The following SPON1 variants were observed in gnomAD, a reference collection of about 807,000 sequenced individuals.
The protein encoded by SPON1 is spondin 1.
A neutral mutation model predicts 111.7 loss-of-function variants in SPON1; 52 were observed. That is an observed-to-expected ratio of 0.47 (90% confidence interval 0.37 to 0.59). The LOEUF is 0.59. SPON1 is among the 20% of genes least tolerant of loss of function. The pLI, the probability that SPON1 is intolerant of heterozygous loss-of-function variation, is 0.00. For missense variants in SPON1, 957 were observed against 1,068.5 expected, an observed-to-expected ratio of 0.90 and a Z score of 1.46; for synonymous variants, 410 against 395.8, an observed-to-expected ratio of 1.04 and a Z score of -0.43.
chr11:14,250,773 A>G (rs1348986219), intron 7 of SPON1, among the ~76,000 whole-genome samples: 2 of 152,218 alleles, frequency 1.3e-5, no homozygotes, highest in Non-Finnish European at 2.9e-5. Flanking sequence ...AGTCCTATCT[A>G]GCATTTTCTA....
chr11:13,993,335 A>G (rs1476482691), intron 2 of SPON1, among the ~76,000 whole-genome samples: 1 of 151,906 alleles, frequency 6.6e-6, no homozygotes, highest in Non-Finnish European at 1.5e-5. Flanking sequence ...GGCACACACT[A>G]GATGTCAGAA....
intron 6 of SPON1, among the ~76,000 whole-genome samples, chr11:14,235,097 C>T (rs2133914278): frequency 6.6e-6 from 1 of 152,314 alleles, no homozygotes; most frequent in Admixed American, 6.5e-5. Context: ...GCTGGCACGG[C>T]TCTATGCTGG....
At chr11:14,038,471 A>AAAAAC (rs1262295498) in intron 2 of SPON1, among the ~76,000 whole-genome samples, 22 of 152,314 alleles carry the variant, frequency 1.4e-4, no homozygotes, top group African/African-American at 3.8e-4. Context: ...TCCATCTCAA[A>AAAAAC]AAAACAAAAC....
At chr11:13,977,930 C>G (rs1848114930) in intron 1 of SPON1, among the ~76,000 whole-genome samples, 1 of 152,192 alleles carries the variant, frequency 6.6e-6, no homozygotes, top group African/African-American at 2.4e-5. Flanking sequence ...AAAAGATTAT[C>G]TTTTCTCCAT....
At chr11:14,224,749 T>G in intron 6 of SPON1, 1 of 506,256 alleles carries the variant, frequency 2.0e-6, no homozygotes. Flanking sequence ...GGTGAAAGAC[T>G]GAGGGAGATA....
intron 6 of SPON1, among the ~76,000 whole-genome samples, chr11:14,235,364 A>G (rs373780748): frequency 5.0e-4 from 76 of 152,244 alleles, no homozygotes; most frequent in African/African-American, 1.7e-3. Flanking sequence ...CTTCCATTCT[A>G]GCAGGGGGAG....
chr11:14,119,027 TGAA>T (rs1849285308), intron 5 of SPON1, among the ~76,000 whole-genome samples: 1 of 152,164 alleles, frequency 6.6e-6, no homozygotes, highest in South Asian at 2.1e-4. Context: ...ACAATGACAA[TGAA>T]GACAACATCT....
chr11:14,214,293 C>T (rs1201182126), intron 6 of SPON1, among the ~76,000 whole-genome samples: 1 of 152,136 alleles, frequency 6.6e-6, no homozygotes, highest in Non-Finnish European at 1.5e-5. Flanking sequence ...TGTTATCCAC[C>T]CAGGAGTTGT....
intron 6 of SPON1, among the ~76,000 whole-genome samples, chr11:14,141,029 C>CTCCCCA (rs71041572): frequency 1.8e-4 from 24 of 132,274 alleles, no homozygotes; most frequent in Admixed American, 6.4e-4. Flanking sequence ...GTGCCCCCCC[C>CTCCCCA]ATGCCCCACT....
chr11:14,100,302 T>C (rs1591375524), intron 5 of SPON1, among the ~76,000 whole-genome samples: 2 of 152,222 alleles, frequency 1.3e-5, no homozygotes, highest in Non-Finnish European at 2.9e-5. Context: ...TTTGATTCCA[T>C]CTACCCCATA....
At position 13,962,814 on chromosome 11, in the gene SPON1, T is replaced by C; in HGVS notation, c.-91T>C. The C allele has an allele frequency of 8.1e-7, 1 of 1,229,644 alleles. No individual in the cohort carries two copies. The highest frequency in any genetic ancestry group is 1.1e-6 in the Non-Finnish European group (1 of 935,730). 76.2% of individuals were successfully genotyped at this position (1,229,644 alleles called of 1,614,324 possible). ...CCGAGCTCCCTCTCTCCGCCGCGCC[T>C]CCGCCAGGTCGCGCCTTCGTCGGGA... On this transcript the variant is annotated 5_prime_UTR_variant, in exon 1 of 16. Transcript: ENST00000576479.
chr11:14,090,308 T>G (rs1313526587), intron 5 of SPON1, among the ~76,000 whole-genome samples: 1 of 151,340 alleles, frequency 6.6e-6, no homozygotes, highest in Admixed American at 6.6e-5. Context: ...CACAAGGGAA[T>G]CTCTTGGTCT....
chr11:14,103,696 A>G (rs373195621), intron 5 of SPON1, among the ~76,000 whole-genome samples: 2 of 152,244 alleles, frequency 1.3e-5, no homozygotes, highest in Non-Finnish European at 2.9e-5. Flanking sequence ...TGAGGAGCAC[A>G]TGCTAATTCA....
rs529833558 is a variant in SPON1 at position 14,111,445 on chromosome 11, T to C, written c.677-23975T>C. On this transcript the variant is annotated intron_variant, in intron 5 of 15. Coordinates refer to ENST00000576479, the MANE Select transcript of SPON1 (RefSeq NM_006108.4). ...AATACATGTTACTCAACGAACTTGC[T>C]GCAAGAAGTCTTCACTTTTAAGAGA... Among the ~76,000 whole-genome samples, 452 of 152,334 alleles carry C rather than the reference T, an allele frequency of 3.0e-3. 2 individuals are homozygous for C. Among genetic ancestry groups the C allele is most frequent in the South Asian group, 7.9e-3 (38 of 4,824 alleles).
At chr11:14,130,090 A>G (rs540955748) in intron 5 of SPON1, among the ~76,000 whole-genome samples, 2 of 152,350 alleles carry the variant, frequency 1.3e-5, no homozygotes, top group South Asian at 2.1e-4. Flanking sequence ...AATCCTCACT[A>G]TAACCTTATC....
intron 4 of SPON1, among the ~76,000 whole-genome samples, chr11:14,075,675 A>G (rs1848911667): frequency 6.6e-6 from 1 of 152,156 alleles, no homozygotes; most frequent in African/African-American, 2.4e-5. Context: ...TATTTTTGTG[A>G]AACAGTGATT....
At chr11:14,112,277 A>G (rs1849232191) in intron 5 of SPON1, among the ~76,000 whole-genome samples, 1 of 152,242 alleles carries the variant, frequency 6.6e-6, no homozygotes, top group Non-Finnish European at 1.5e-5. Context: ...GACTCAGTCC[A>G]GACCTAGGTT....
chr11:14,010,520 C>T (rs1848395889), intron 2 of SPON1, among the ~76,000 whole-genome samples: 1 of 152,056 alleles, frequency 6.6e-6, no homozygotes, highest in African/African-American at 2.4e-5. Flanking sequence ...TGGGGAGAAT[C>T]AGGAAGGTTT....
intron 6 of SPON1, among the ~76,000 whole-genome samples, chr11:14,138,407 A>G (rs553910260): frequency 2.6e-5 from 4 of 152,328 alleles, no homozygotes; most frequent in African/African-American, 9.6e-5. Context: ...TTTTAATGTT[A>G]CTATAACTGC....
Sources: gnomAD v4.1 joint callset for allele counts (sites outside exome capture counted in the v4.1 genomes callset) on GRCh38, gnomAD v4.1.1 for gene constraint, MANE v1.5 for transcripts, NCBI Gene and HGNC (gene_info 2026-07-23, HGNC 2026-07-21) for gene names.